CLGN: variants seen among roughly 807,000 people sequenced by gnomAD.
CLGN encodes the protein testis tissue sperm-binding protein Li 79P.
Under a neutral mutation model 79.1 loss-of-function variants are expected in CLGN, and 62 were observed. The ratio of observed to expected loss-of-function variants is 0.78; its 90% CI spans 0.64 to 0.97. The LOEUF is 0.97. Among genes scored for constraint, CLGN ranks in the 50% least tolerant of loss-of-function variants. CLGN has a pLI of 0.00. For missense variants in CLGN, 647 were observed against 715.5 expected, an observed-to-expected ratio of 0.90 and a Z score of 1.09; for synonymous variants, 225 against 224.7, an observed-to-expected ratio of 1.00 and a Z score of -0.01.
chr4:140,391,771 T>A (rs1728777231), intron 13 of CLGN, among the ~76,000 whole-genome samples: 1 of 151,874 alleles, frequency 6.6e-6, no homozygotes, highest in African/African-American at 2.4e-5. Flanking sequence ...TTAATTAAAT[T>A]ATTTCTTCTA....
At chr4:140,418,238 C>T (rs1409420971) in intron 1 of CLGN, among the ~76,000 whole-genome samples, 8 of 151,796 alleles carry the variant, frequency 5.3e-5, no homozygotes, top group African/African-American at 1.9e-4. Context: ...AGACCTAAAA[C>T]CATAAAAACC....
chr4:140,401,129 C>G (rs922420472), intron 6 of CLGN, among the ~76,000 whole-genome samples: 1 of 152,144 alleles, frequency 6.6e-6, no homozygotes, highest in South Asian at 2.1e-4. Flanking sequence ...TTTTAAAGCT[C>G]TCTGCACCTC....
rs368825029 is a variant in CLGN, at chr4:140,411,905, C to T, written c.144+1030G>A. ...TATACTTCACCCTATGTAGATTACT[C>T]ATGCTATAAAATTAGAAGCATCAAA... On this transcript the variant is annotated intron_variant, in intron 2 of 14. Coordinates refer to ENST00000325617, the MANE Select transcript of CLGN (RefSeq NM_004362.3). 2.6e-4 allele frequency among the ~76,000 whole-genome samples: 40 copies of T among 152,222 alleles called. 3 individuals are homozygous for T. The highest frequency in any genetic ancestry group is 1.9e-3 in the East Asian group (10 of 5,192).
At chr4:140,394,107 G>GCAGCATTTA in intron 10 of CLGN, 66 bp from the exon 11 acceptor site, 1 of 1,131,414 alleles carries the variant, frequency 8.8e-7, no homozygotes, top group Non-Finnish European at 1.3e-6. Context: ...TGCTTAATAA[G>GCAGCATTTA]TAGCTGCTGT....
In CLGN at chr4:140,400,481, T is replaced by C. The variant is rs1406437630; in HGVS notation, c.570A>G (p.Lys190=). 6.2e-7 allele frequency: 1 copy of C among 1,604,092 alleles called. No individual in the cohort carries two copies. Among genetic ancestry groups the C allele is most frequent in the Non-Finnish European group, 8.5e-7 (1 of 1,171,380 alleles). ...GTTTATGTCTGAAGATAAAATGAAG[T>C]TTATAATCTTCTCCACATTTATCTG... is the stretch of plus-strand genomic sequence containing the variant. ...FGPDKCGEDY[K]LHFIFRHKHP... is the part of the protein sequence containing the mutation. Residue 190 remains lysine (K), a synonymous_variant, in exon 7 of 15, where the codon AAA becomes AAG. Coordinates refer to ENST00000325617, the MANE Select transcript of CLGN (RefSeq NM_004362.3).
intron 1 of CLGN, among the ~76,000 whole-genome samples, chr4:140,426,250 A>G (rs917657965): frequency 1.3e-5 from 2 of 152,236 alleles, no homozygotes; most frequent in Non-Finnish European, 2.9e-5. Context: ...CGTGAACTAG[A>G]CAATCCAAAG....
chr4:140,396,101 G>C lies in CLGN; in HGVS notation c.989C>G (p.Pro330Arg). ...GATGAAGAGTGCTTACCAGTCATCAGGTTTTTCAGCATTAGGATCAGGGAT... is the reference window on the plus strand; with the variant it reads ...GATGAAGAGTGCTTACCAGTCATCACGTTTTTCAGCATTAGGATCAGGGAT... Reference protein sequence around the residue: ...KFIPDPNAEKPDDWNEDTDGE... With the variant: ...KFIPDPNAEKRDDWNEDTDGE... The change falls in exon 9 of 15, where the codon CCT (proline) becomes CGT (arginine). Residue 330 changes from proline to arginine, a missense_variant. Coordinates refer to ENST00000325617, the MANE Select transcript of CLGN (RefSeq NM_004362.3). 3 of 1,613,954 alleles carry C rather than the reference G, an allele frequency of 1.9e-6. No individual in the cohort carries two copies. The highest frequency in any genetic ancestry group is 2.5e-6 in the Non-Finnish European group (3 of 1,179,840).
chr4:140,390,804 A>T, intron 13 of CLGN, 76 bp from the exon 14 acceptor site: 1 of 884,732 alleles, frequency 1.1e-6, no homozygotes, highest in Non-Finnish European at 1.6e-6. Context: ...AAATACAATA[A>T]ATGGGATTTA....
intron 7 of CLGN, 139 bp from the exon 8 acceptor site, chr4:140,399,179 T>A: frequency 1.6e-6 from 1 of 637,564 alleles, no homozygotes. Flanking sequence ...ACCAATGTAT[T>A]GAACTAAAAC....
intron 1 of CLGN, among the ~76,000 whole-genome samples, chr4:140,419,140 G>A (rs1729408055): frequency 6.6e-6 from 1 of 152,020 alleles, no homozygotes; most frequent in Admixed American, 6.5e-5. Context: ...ACTCATAGGT[G>A]GGAATTGAAC....
intron 8 of CLGN, among the ~76,000 whole-genome samples, chr4:140,396,907 G>GTATATATA (rs10640037): frequency 1.7e-5 from 2 of 117,346 alleles, no homozygotes; most frequent in East Asian, 2.3e-4. Flanking sequence ...ATATATATAT[G>GTATATATA]TATATATATA....
intron 1 of CLGN, among the ~76,000 whole-genome samples, chr4:140,418,994 A>G (rs1347573918): frequency 6.6e-6 from 1 of 152,260 alleles, no homozygotes; most frequent in Admixed American, 6.5e-5. Context: ...AAAATATGGC[A>G]CATATACACC....
intron 7 of CLGN, 87 bp from the exon 8 acceptor site, chr4:140,399,127 T>C: frequency 1.1e-5 from 12 of 1,088,816 alleles, no homozygotes; most frequent in Non-Finnish European, 1.5e-5. Flanking sequence ...TACCCTTAAC[T>C]CCATGGGTAA....
chr4:140,396,874 C>CATATATATAT (rs759900454), intron 8 of CLGN, among the ~76,000 whole-genome samples: 3 of 109,540 alleles, frequency 2.7e-5, no homozygotes, highest in African/African-American at 3.7e-5. Flanking sequence ...TATATATATA[C>CATATATATAT]ATATATATAT....
intron 1 of CLGN, among the ~76,000 whole-genome samples, chr4:140,421,354 T>A (rs1269777052): frequency 6.6e-6 from 1 of 151,898 alleles, no homozygotes; most frequent in Non-Finnish European, 1.5e-5. Context: ...ATAATTCTAT[T>A]TTTTTTTGAA....
At chr4:140,416,806 T>C (rs1386913451) in intron 1 of CLGN, among the ~76,000 whole-genome samples, 2 of 152,126 alleles carry the variant, frequency 1.3e-5, no homozygotes, top group Non-Finnish European at 1.5e-5. Context: ...TCTGAAACTA[T>C]TCCAATCAAT....
intron 4 of CLGN, 64 bp from the exon 5 acceptor site, chr4:140,406,147 A>G: frequency 6.7e-7 from 1 of 1,496,454 alleles, no homozygotes; most frequent in Non-Finnish European, 9.1e-7. Flanking sequence ...ATTATTTATC[A>G]GCAGTTGTGA....
At position 140,412,952 on chromosome 4, in the gene CLGN, T is replaced by A; in HGVS notation, c.127A>T (p.Ser43Cys). 6.2e-7 allele frequency: 1 copy of A among 1,613,456 alleles called. No individual in the cohort carries two copies. Among genetic ancestry groups the A allele is most frequent in the South Asian group, 1.1e-5 (1 of 91,028 alleles). The change falls in exon 2 of 15, where the codon AGT becomes TGT. Residue 43 changes from serine to cysteine, a missense_variant. Transcript: ENST00000325617. ...AACCATACCTCTGAGGAAAGTTCAC[T>A]TTCATTAACATCAATTTCTTCTGAA... ...ENSEEIDVNE[S>C]ELSSEIKYKT... is the part of the protein sequence containing the mutation.
At chr4:140,412,385 G>A (rs1729230158) in intron 2 of CLGN, among the ~76,000 whole-genome samples, 2 of 152,056 alleles carry the variant, frequency 1.3e-5, no homozygotes, top group African/African-American at 4.8e-5. Flanking sequence ...TATCATCAAG[G>A]TATACAAAAA....
Sources: allele counts gnomAD v4.1 joint callset (sites outside exome capture counted in the v4.1 genomes callset), GRCh38; gene constraint gnomAD v4.1.1; transcripts MANE v1.5; gene names NCBI Gene and HGNC (gene_info 2026-07-23, HGNC 2026-07-21).